Variants in THSD4 observed in about 807,000 individuals in gnomAD.
THSD4 encodes the protein thrombospondin type-1 domain-containing protein 4.
Under a neutral mutation model 119.0 loss-of-function variants are expected in THSD4, and 69 were observed. The ratio of observed to expected loss-of-function variants is 0.58; its 90% confidence interval spans 0.48 to 0.71. The LOEUF (loss-of-function observed/expected upper bound fraction) is 0.71, where lower values mean the gene tolerates loss of function less well. THSD4 is among the 30% of genes least tolerant of loss of function. The pLI is 0.00. For synonymous variants in THSD4, 524 were observed against 540.4 expected (o/e 0.97, Z 0.42); for missense variants, 1,393 against 1,391.1 (o/e 1.00, Z -0.02).
intron 7 of THSD4, among the ~76,000 whole-genome samples, chr15:71,493,692 C>T (rs2047961584): frequency 6.6e-6 from 1 of 152,222 alleles, no homozygotes; most frequent in African/African-American, 2.4e-5. Flanking sequence ...CATGAACTTT[C>T]TCTGTCTTTA....
rs563846429 is a variant in THSD4 at position 71,670,327 on chromosome 15, G to A, written c.1357+9593G>A. 9.7e-4 allele frequency among the ~76,000 whole-genome samples: 147 copies of A among 152,014 alleles called. 2 individuals are homozygous for A. The South Asian group carries it at 0.011, about 12-fold the overall frequency. Reference sequence around the variant, plus strand: ...TTCCCACCTATGAGTAAGAACATGCGGTGTTTGGTTTTCTGTCCTGGCAAT... The same window carrying A: ...TTCCCACCTATGAGTAAGAACATGCAGTGTTTGGTTTTCTGTCCTGGCAAT... On this transcript the variant is annotated intron_variant, in intron 8 of 17. Transcript: ENST00000261862.
chr15:71,161,027 A>G (rs144297957), intron 3 of THSD4, among the ~76,000 whole-genome samples: 1 of 152,148 alleles, frequency 6.6e-6, no homozygotes, highest in East Asian at 1.9e-4. Context: ...GGTTGTTTAG[A>G]AGCATCTTGT....
chr15:71,436,866 C>G (rs1044693680), intron 7 of THSD4, among the ~76,000 whole-genome samples: 1 of 152,090 alleles, frequency 6.6e-6, no homozygotes, highest in African/African-American at 2.4e-5. Flanking sequence ...TTGGAGAACA[C>G]GCAGTGACCT....
At chr15:71,699,137 T>C (rs2052230428) in intron 8 of THSD4, among the ~76,000 whole-genome samples, 1 of 152,118 alleles carries the variant, frequency 6.6e-6, no homozygotes, top group Non-Finnish European at 1.5e-5. Flanking sequence ...GTGAGTAATG[T>C]GTTTATGGCA....
At chr15:71,216,169 T>C (rs2043930896) in intron 4 of THSD4, among the ~76,000 whole-genome samples, 1 of 152,246 alleles carries the variant, frequency 6.6e-6, no homozygotes, top group African/African-American at 2.4e-5. Context: ...TGATAGATCC[T>C]GGGAGAATAC....
At chr15:71,394,078 A>ATTTTT (rs36141571) in intron 6 of THSD4, among the ~76,000 whole-genome samples, 1,841 of 148,124 alleles carry the variant, frequency 0.012, 21 homozygotes, top group Non-Finnish European at 0.018. Flanking sequence ...GATACACAAT[A>ATTTTT]TTTTTTTTTT....
chr15:71,449,120 A>G (rs748750374), intron 7 of THSD4, among the ~76,000 whole-genome samples: 8 of 152,152 alleles, frequency 5.3e-5, no homozygotes, highest in East Asian at 1.9e-4. Flanking sequence ...AGGGAAACCT[A>G]TTCTCCTTGG....
intron 7 of THSD4, among the ~76,000 whole-genome samples, chr15:71,504,629 A>G (rs546458968): frequency 7.7e-4 from 118 of 152,316 alleles, no homozygotes; most frequent in Non-Finnish European, 1.4e-3. Context: ...GTAACTTAAG[A>G]TATTTACAGA....
rs564738892 is a variant in THSD4 at position 71,475,939 on chromosome 15, A to G, written c.1152+64116A>G. On this transcript the variant is annotated intron_variant, in intron 7 of 17. Coordinates refer to ENST00000261862, the MANE Select transcript of THSD4 (RefSeq NM_024817.3). ...TGAGACCCTGTCTATTAAAAAAAAA[A>G]TTCTTTATTTTTTAAAAGAAGTGGC... is the stretch of plus-strand genomic sequence containing the variant. Among the ~76,000 whole-genome samples, 54 of 152,128 alleles carry G rather than the reference A, an allele frequency of 3.5e-4. 1 individual carries two copies. In the South Asian group the frequency reaches 0.011, roughly 31 times the overall value.
rs575711565 is a variant in THSD4 at position 71,738,503 on chromosome 15, G to A, written c.1906+496G>A. 1.2e-4 allele frequency among the ~76,000 whole-genome samples: 18 copies of A among 152,280 alleles called. No individual in the cohort carries two copies. The South Asian group carries it at 2.3e-3, about 19-fold the overall frequency. On this transcript the variant is annotated intron_variant, in intron 11 of 17. Coordinates refer to ENST00000261862, the MANE Select transcript of THSD4 (RefSeq NM_024817.3). Reference sequence around the variant, plus strand: ...TTAATGATTGGCTCAAAGGGCTTACGAGACCCAGAAGAGCTGTTACAATTC... The same window carrying A: ...TTAATGATTGGCTCAAAGGGCTTACAAGACCCAGAAGAGCTGTTACAATTC...
intron 7 of THSD4, among the ~76,000 whole-genome samples, chr15:71,435,535 T>A (rs2047001327): frequency 6.6e-6 from 1 of 152,232 alleles, no homozygotes; most frequent in South Asian, 2.1e-4. Flanking sequence ...AAAAGGCTTT[T>A]TTCATGGAAA....
intron 7 of THSD4, among the ~76,000 whole-genome samples, chr15:71,442,664 A>ATATG (rs1566985041): frequency 3.0e-5 from 1 of 33,458 alleles, no homozygotes; most frequent in Non-Finnish European, 6.5e-5. Flanking sequence ...GTGTGTGTAT[A>ATATG]TATATATATA....
intron 6 of THSD4, among the ~76,000 whole-genome samples, chr15:71,280,149 C>A: frequency 6.6e-6 from 1 of 152,176 alleles, no homozygotes; most frequent in Non-Finnish European, 1.5e-5. Flanking sequence ...GAGGGAACCA[C>A]AGAAGCAAAG....
At chr15:71,701,452 G>A (rs2052286933) in intron 8 of THSD4, among the ~76,000 whole-genome samples, 2 of 152,240 alleles carry the variant, frequency 1.3e-5, no homozygotes, top group African/African-American at 4.8e-5. Flanking sequence ...CCTTGATTTA[G>A]CAAAATAGTC....
chr15:71,763,776 C>T (rs1256693454), intron 15 of THSD4, among the ~76,000 whole-genome samples: 2 of 150,190 alleles, frequency 1.3e-5, no homozygotes, highest in Non-Finnish European at 3.0e-5. Context: ...TTTAATTAGT[C>T]GGGCAAGGCC....
intron 6 of THSD4, among the ~76,000 whole-genome samples, chr15:71,373,262 A>G (rs915327224): frequency 6.6e-6 from 1 of 152,216 alleles, no homozygotes; most frequent in Non-Finnish European, 1.5e-5. Flanking sequence ...TGGGTCAGAA[A>G]TATAGCCCTG....
chr15:71,310,182 A>G (rs1306825465), intron 6 of THSD4, among the ~76,000 whole-genome samples: 1 of 152,062 alleles, frequency 6.6e-6, no homozygotes, highest in Non-Finnish European at 1.5e-5. Context: ...GTCTTTTAGC[A>G]TGTTTTCATT....
intron 3 of THSD4, among the ~76,000 whole-genome samples, chr15:71,158,588 G>A (rs1013466831): frequency 2.0e-5 from 3 of 150,698 alleles, no homozygotes; most frequent in Admixed American, 6.6e-5. Context: ...TTGGCCATTT[G>A]TATGTTTTCT....
chr15:71,755,673 T>C (rs1359281666), intron 14 of THSD4, among the ~76,000 whole-genome samples: 1 of 137,960 alleles, frequency 7.2e-6, no homozygotes, highest in African/African-American at 2.7e-5. Context: ...GATTCGTTAG[T>C]TCCTGCTCTC....
Sources: allele counts gnomAD v4.1 joint callset (sites outside exome capture counted in the v4.1 genomes callset), GRCh38; gene constraint gnomAD v4.1.1; transcripts MANE v1.5; gene names NCBI Gene and HGNC (gene_info 2026-07-23, HGNC 2026-07-21).